The following GANC variants were observed in gnomAD, a reference collection of about 807,000 sequenced individuals.
GANC encodes the protein glucosidase alpha, neutral C.
Under a neutral mutation model 124.2 loss-of-function variants are expected in GANC, and 117 were observed. The observed-to-expected ratio is 0.94, with a 90% confidence interval of 0.81 to 1.10. The LOEUF is 1.10. GANC is among the 50% of genes least tolerant of loss of function. The pLI is 0.00. For missense variants in GANC, 1,140 were observed against 1,095.0 expected, an observed-to-expected ratio of 1.04 and a Z score of -0.58; for synonymous variants, 377 against 376.8, an observed-to-expected ratio of 1.00 and a Z score of -0.01.
intron 2 of GANC, among the ~76,000 whole-genome samples, chr15:42,276,797 C>G (rs2051675943): frequency 6.6e-6 from 1 of 151,906 alleles, no homozygotes; most frequent in South Asian, 2.1e-4. Flanking sequence ...TCTTATTTAT[C>G]CTTCCAGTAT....
At chr15:42,325,123 A>G (rs76243192) in intron 11 of GANC, among the ~76,000 whole-genome samples, 1 of 151,588 alleles carries the variant, frequency 6.6e-6, no homozygotes, top group Non-Finnish European at 1.5e-5. Context: ...AAAAAAAAAA[A>G]TTAGTCCAGC....
chr15:42,349,411 A>C lies in GANC; in HGVS notation c.2447A>C (p.Asp816Ala). 1 of 1,612,964 alleles carries C rather than the reference A, an allele frequency of 6.2e-7. No individual in the cohort carries two copies. Among genetic ancestry groups the C allele is most frequent in the Non-Finnish European group, 8.5e-7 (1 of 1,179,006 alleles). The change falls in exon 22 of 24, where the codon GAT becomes GCT. Residue 816 changes from aspartate (D) to alanine (A), a missense_variant. Transcript: ENST00000318010. Reference protein sequence around the residue: ...KGSSVGELYLDDGHSFQYLHQ... With the variant: ...KGSSVGELYLADGHSFQYLHQ... ...TCTTCAGTGGGTGAGTTATATCTTG[A>C]TGATGGCCATTCATTCCAATACCTC...
intron 18 of GANC, among the ~76,000 whole-genome samples, chr15:42,342,713 C>T (rs972907902): frequency 1.3e-5 from 2 of 152,246 alleles, no homozygotes; most frequent in East Asian, 3.8e-4. Flanking sequence ...TCTTCAGCTT[C>T]ACTGACAGCA....
At chr15:42,294,969 G>A (rs1215250219) in intron 5 of GANC, among the ~76,000 whole-genome samples, 2 of 119,556 alleles carry the variant, frequency 1.7e-5, no homozygotes, top group Non-Finnish European at 1.7e-5. Context: ...TTGTGCATTT[G>A]TAGTTTTTTT....
Position 42,288,801 on chromosome 15 carries a change from G to A in GANC, c.329+983G>A, listed in dbSNP as rs79410883. On this transcript the variant is annotated intron_variant, in intron 4 of 23. Coordinates refer to ENST00000318010, the MANE Select transcript of GANC (RefSeq NM_198141.3). ...TTCCTCCCAAAGTGTTGGGGTTATC[G>A]GCATGAGCCACCATGCCTGCCCTAA... is the stretch of plus-strand genomic sequence containing the variant. 5.9e-4 allele frequency among the ~76,000 whole-genome samples: 89 copies of A among 152,072 alleles called. 1 individual carries two copies. In the East Asian group the frequency reaches 0.014, roughly 23 times the overall value.
chr15:42,306,584 T>C lies in GANC; in HGVS notation c.597T>C (p.Phe199=), dbSNP rs1393232876. Residue 199 remains phenylalanine (F), a synonymous_variant, in exon 7 of 24, where the codon TTT becomes TTC. Transcript: ENST00000318010. ...QEDLGLWEEK[F]GKFVDIKANG... is the part of the protein sequence containing the mutation. Reference sequence around the variant, plus strand: ...ATCTGGGCCTGTGGGAAGAGAAATTTGGAAAATTTGTGGATATCAAAGCTA... The same window carrying C: ...ATCTGGGCCTGTGGGAAGAGAAATTCGGAAAATTTGTGGATATCAAAGCTA... 2.5e-6 allele frequency: 4 copies of C among 1,613,534 alleles called. No homozygotes were observed. The Admixed American group carries it at 6.7e-5, about 27-fold the overall frequency.
chr15:42,289,176 T>A (rs1328761462), intron 4 of GANC, among the ~76,000 whole-genome samples: 1 of 152,206 alleles, frequency 6.6e-6, no homozygotes, highest in Non-Finnish European at 1.5e-5. Flanking sequence ...TAGCTACAGG[T>A]TCTGATATAA....
Position 42,273,543 on chromosome 15 carries a change from T to C in GANC, c.-939T>C. 7.3e-7 allele frequency: 1 copy of C among 1,375,450 alleles called. No individual in the cohort carries two copies. The allele number at this position is 1,375,450 out of a possible 1,614,324, so 85.2% of individuals were successfully genotyped here. On this transcript the variant is annotated 5_prime_UTR_variant, in exon 1 of 24. Transcript: ENST00000318010. ...TTGCTGTGCGGCGTAGCGGCCCCTC[T>C]CTCAGACAGTCGTCTGTGCGCCGTG...
chr15:42,305,439 C>A (rs2051985473), intron 6 of GANC, among the ~76,000 whole-genome samples: 1 of 152,176 alleles, frequency 6.6e-6, no homozygotes, highest in Non-Finnish European at 1.5e-5. Flanking sequence ...ATTAAAAAGT[C>A]AGGAAACAAC....
At chr15:42,341,033 G>A (rs1471555423) in intron 18 of GANC, among the ~76,000 whole-genome samples, 2 of 150,710 alleles carry the variant, frequency 1.3e-5, no homozygotes, top group South Asian at 2.1e-4. Context: ...CAAAGTGCTG[G>A]GATTACAGGC....
intron 5 of GANC, among the ~76,000 whole-genome samples, chr15:42,294,735 A>G (rs373581274): frequency 6.6e-6 from 1 of 151,430 alleles, no homozygotes. Context: ...TTTTCTGTTA[A>G]CAATGTGATA....
At chr15:42,309,515 T>C (rs529708196) in intron 8 of GANC, among the ~76,000 whole-genome samples, 1 of 152,034 alleles carries the variant, frequency 6.6e-6, no homozygotes, top group East Asian at 2.0e-4. Flanking sequence ...CGTCAGGCTT[T>C]CACAGTGTTG....
intron 15 of GANC, among the ~76,000 whole-genome samples, chr15:42,331,045 C>T (rs112736312): frequency 0.086 from 13,067 of 152,128 alleles, 639 homozygotes; most frequent in South Asian, 0.18. Context: ...GCGATCTGCC[C>T]ACCTTGGCCT....
chr15:42,278,342 T>TAA, intron 2 of GANC, 140 bp from the exon 3 acceptor site: 1 of 528,902 alleles, frequency 1.9e-6, no homozygotes, highest in Non-Finnish European at 3.4e-6. Context: ...TAGCACTTTA[T>TAA]TATAGTACTA....
chr15:42,313,127 G>A (rs997126707), intron 10 of GANC, among the ~76,000 whole-genome samples: 3 of 152,164 alleles, frequency 2.0e-5, no homozygotes, highest in African/African-American at 4.8e-5. Flanking sequence ...ATGACCATTC[G>A]ATGAAGAAGA....
At chr15:42,293,528 C>CTTTTTTTTTTTTTTT (rs1566951280) in intron 5 of GANC, among the ~76,000 whole-genome samples, 2 of 151,920 alleles carry the variant, frequency 1.3e-5, no homozygotes, top group Admixed American at 6.5e-5. Flanking sequence ...CAACTCATTT[C>CTTTTTTTTTTTTTTT]TGTTTTAAAA....
Position 42,310,765 on chromosome 15 carries a change from T to C in GANC, c.976T>C (p.Ser326Pro). ...ATCTCGCACTCATGTGCACTGGATG[T>C]CAGAGAGTGGCATCATTGATGTTTT... ...VRSRTHVHWM[S>P]ESGIIDVFLL... Residue 326 changes from serine to proline, a missense_variant, in exon 10 of 24, where the codon TCA becomes CCA. By Grantham distance (74) the Ser-to-Pro change is moderately conservative. Coordinates refer to ENST00000318010, the MANE Select transcript of GANC (RefSeq NM_198141.3). 6.2e-7 allele frequency: 1 copy of C among 1,614,178 alleles called. No individual in the cohort carries two copies. Among genetic ancestry groups the C allele is most frequent in the Non-Finnish European group, 8.5e-7 (1 of 1,180,002 alleles).
intron 5 of GANC, among the ~76,000 whole-genome samples, chr15:42,295,097 G>T (rs751293882): frequency 6.7e-6 from 1 of 150,040 alleles, no homozygotes; most frequent in Admixed American, 6.7e-5. Context: ...TTAGCCTCCC[G>T]AGTAGCTGGG....
intron 1 of GANC, among the ~76,000 whole-genome samples, chr15:42,275,794 C>T (rs991525720): frequency 2.0e-5 from 3 of 152,170 alleles, no homozygotes; most frequent in African/African-American, 7.2e-5. Context: ...TGTTCTTATT[C>T]TAGCACCTTG....
Sources: gnomAD v4.1 joint callset for allele counts (sites outside exome capture counted in the v4.1 genomes callset) on GRCh38, gnomAD v4.1.1 for gene constraint, MANE v1.5 for transcripts, NCBI Gene and HGNC (gene_info 2026-07-23, HGNC 2026-07-21) for gene names.